The following SLC39A11 variants were observed in gnomAD, a reference collection of about 807,000 sequenced individuals.
SLC39A11 encodes zinc transporter ZIP11.
A neutral mutation model predicts 36.1 loss-of-function variants in SLC39A11; 33 were observed. The observed-to-expected ratio is 0.91, with a 90% CI of 0.69 to 1.22. The LOEUF is 1.22. SLC39A11 is among the 50% of genes most tolerant of loss of function. The probability of loss-of-function intolerance (pLI) is 0.00; values close to 1 mark genes in which losing one functional copy is unlikely to be tolerated. For synonymous variants in SLC39A11, 166 were observed against 170.3 expected, an observed-to-expected ratio of 0.97 and a Z score of 0.20; for missense variants, 432 against 430.3, an observed-to-expected ratio of 1.00 and a Z score of -0.03.
At chr17:72,654,371 G>A (rs4312352) in intron 7 of SLC39A11, among the ~76,000 whole-genome samples, 22,671 of 152,128 alleles carry the variant, frequency 0.15, 1,881 homozygotes, top group Admixed American at 0.2. Context: ...GCTGACAAGC[G>A]TGTTCTAACC....
At chr17:72,956,755 T>A (rs1305680231) in intron 4 of SLC39A11, among the ~76,000 whole-genome samples, 2 of 152,230 alleles carry the variant, frequency 1.3e-5, no homozygotes, top group Non-Finnish European at 2.9e-5. Context: ...TTCTGACCTA[T>A]GTTATCCTTT....
At chr17:73,035,781 T>C (rs2058888932) in intron 3 of SLC39A11, among the ~76,000 whole-genome samples, 1 of 144,810 alleles carries the variant, frequency 6.9e-6, no homozygotes, top group Non-Finnish European at 1.5e-5. Context: ...AGAGAATCAC[T>C]TGAACCCAGG....
At chr17:72,890,330 C>T (rs921825316) in intron 5 of SLC39A11, among the ~76,000 whole-genome samples, 6 of 150,816 alleles carry the variant, frequency 4.0e-5, no homozygotes, top group South Asian at 2.1e-4. Context: ...AAAAAGAGTC[C>T]GTTGGTATGG....
chr17:72,771,644 C>T (rs1176003916), intron 6 of SLC39A11, among the ~76,000 whole-genome samples: 1 of 152,052 alleles, frequency 6.6e-6, no homozygotes, highest in Non-Finnish European at 1.5e-5. Flanking sequence ...AGTGCACAGG[C>T]TCAGATTCCT....
At chr17:72,972,086 A>G (rs563934329) in intron 4 of SLC39A11, among the ~76,000 whole-genome samples, 15 of 152,252 alleles carry the variant, frequency 9.9e-5, no homozygotes, top group Non-Finnish European at 1.5e-4. Context: ...AGGAACAGAG[A>G]AGGAGAAAGA....
chr17:72,788,746 C>A (rs73354728), intron 6 of SLC39A11, among the ~76,000 whole-genome samples: 8,062 of 152,284 alleles, frequency 0.053, 684 homozygotes, highest in African/African-American at 0.18. Context: ...CCAACTAAAC[C>A]TAAGTCCTGG....
At chr17:73,086,316 A>G (rs899924924) in intron 2 of SLC39A11, among the ~76,000 whole-genome samples, 2 of 152,050 alleles carry the variant, frequency 1.3e-5, no homozygotes, top group African/African-American at 4.8e-5. Flanking sequence ...ATTTTTCCAT[A>G]AGCATCTTCT....
intron 6 of SLC39A11, among the ~76,000 whole-genome samples, chr17:72,821,063 A>C (rs907047427): frequency 6.6e-6 from 1 of 151,026 alleles, no homozygotes; most frequent in Non-Finnish European, 1.5e-5. Flanking sequence ...CTCCAGATTA[A>C]TATGTAGATG....
At chr17:72,736,540 G>A (rs2074436836) in intron 7 of SLC39A11, 110 bp downstream of exon 7, 3 of 907,346 alleles carry the variant, frequency 3.3e-6, no homozygotes, top group Non-Finnish European at 5.5e-6. Context: ...TGGTCCTGTG[G>A]GGCTGGGGTG....
At chr17:72,774,886 G>T (rs556920987) in intron 6 of SLC39A11, among the ~76,000 whole-genome samples, 1 of 152,002 alleles carries the variant, frequency 6.6e-6, no homozygotes, top group African/African-American at 2.4e-5. Context: ...GACTTGGAGC[G>T]CAGAGAATAC....
chr17:73,008,753 A>G (rs1345389236), intron 4 of SLC39A11, among the ~76,000 whole-genome samples: 1 of 152,174 alleles, frequency 6.6e-6, no homozygotes, highest in Non-Finnish European at 1.5e-5. Flanking sequence ...CTTCATCCAA[A>G]AAAAGCAATG....
At chr17:72,909,159 A>C (rs8065256) in intron 5 of SLC39A11, among the ~76,000 whole-genome samples, 29,232 of 151,962 alleles carry the variant, frequency 0.19, 2,946 homozygotes, top group South Asian at 0.27. Flanking sequence ...GGCTGGAGTA[A>C]AGTGGGGCAG....
intron 7 of SLC39A11, among the ~76,000 whole-genome samples, chr17:72,717,128 A>G (rs2073435490): frequency 1.4e-5 from 2 of 147,696 alleles, no homozygotes; most frequent in Non-Finnish European, 3.0e-5. Flanking sequence ...GTATATATGT[A>G]TATACTTATA....
chr17:72,911,751 C>A (rs77266569), intron 5 of SLC39A11, among the ~76,000 whole-genome samples: 77,485 of 151,758 alleles, frequency 0.51, 19,738 homozygotes, highest in African/African-American at 0.53. Flanking sequence ...TCAAGCAATT[C>A]TACCACCTCA....
intron 6 of SLC39A11, among the ~76,000 whole-genome samples, chr17:72,810,084 C>CAAAAAAAAAA (rs10708067): frequency 2.2e-5 from 3 of 136,700 alleles, no homozygotes; most frequent in Admixed American, 7.3e-5. Context: ...ACAAAAACAA[C>CAAAAAAAAAA]AAAAAAAAAA....
intron 6 of SLC39A11, among the ~76,000 whole-genome samples, chr17:72,847,737 T>C (rs923197421): frequency 1.3e-5 from 2 of 152,164 alleles, no homozygotes; most frequent in African/African-American, 4.8e-5. Context: ...AGCAAAACAA[T>C]ATCAAGTTAT....
rs1041200937 is a variant in SLC39A11, at chr17:73,004,320, G to A, written c.306+27236C>T. On this transcript the variant is annotated intron_variant, in intron 4 of 9. Transcript: ENST00000255559. Reference sequence around the variant, plus strand: ...TCATAGTTCTGGAGGCTAGAAGTCCGAGATCAGGGTGCCAGCATCATCAGG... The same window carrying A: ...TCATAGTTCTGGAGGCTAGAAGTCCAAGATCAGGGTGCCAGCATCATCAGG... Among the ~76,000 whole-genome samples, 7 of 152,288 alleles carry A rather than the reference G, an allele frequency of 4.6e-5. No homozygotes were observed. The East Asian group carries it at 9.7e-4, about 21-fold the overall frequency.
At chr17:72,649,362 T>C (rs1195674238) in intron 7 of SLC39A11, 94 bp from the exon 8 acceptor site, 1 of 1,113,138 alleles carries the variant, frequency 9.0e-7, no homozygotes, top group Admixed American at 2.3e-5. Context: ...CCGTGGGTGC[T>C]AGGAAGCCAG....
intron 6 of SLC39A11, among the ~76,000 whole-genome samples, chr17:72,819,155 T>C (rs766005219): frequency 1.4e-5 from 2 of 140,878 alleles, no homozygotes; most frequent in Non-Finnish European, 3.3e-5. Context: ...ATATAATTAG[T>C]TAAGTTAGAA....
Sources: allele counts gnomAD v4.1 joint callset (sites outside exome capture counted in the v4.1 genomes callset), GRCh38; gene constraint gnomAD v4.1.1; transcripts MANE v1.5; gene names NCBI Gene and HGNC (gene_info 2026-07-23, HGNC 2026-07-21).